RCAN2: variants seen among roughly 807,000 people sequenced by gnomAD.
The protein encoded by RCAN2 is regulator of calcineurin 2.
In RCAN2, 9 loss-of-function variants were observed where a neutral mutation model predicts 23.6. That is an observed-to-expected ratio of 0.38 (90% confidence interval 0.23 to 0.67). The LOEUF is 0.67. RCAN2 is among the 30% of genes least tolerant of loss of function. RCAN2 has a pLI of 0.51. For missense variants in RCAN2, 273 were observed against 302.3 expected (o/e 0.90, Z 0.72); for synonymous variants, 109 against 115.7 (o/e 0.94, Z 0.37).
chr6:46,294,832 T>C (rs1328190951), intron 2 of RCAN2, among the ~76,000 whole-genome samples: 25 of 152,194 alleles, frequency 1.6e-4, no homozygotes, highest in Admixed American at 1.3e-3. Flanking sequence ...CAACGCATTG[T>C]CCAAGGCTTA....
At chr6:46,340,199 A>C (rs1413166569) in intron 2 of RCAN2, among the ~76,000 whole-genome samples, 1 of 152,200 alleles carries the variant, frequency 6.6e-6, no homozygotes, top group Non-Finnish European at 1.5e-5. Flanking sequence ...CTACCAAGAC[A>C]GTCTTCGGTG....
intron 2 of RCAN2, among the ~76,000 whole-genome samples, chr6:46,402,996 G>T (rs547559384): frequency 6.7e-6 from 1 of 149,628 alleles, no homozygotes; most frequent in Non-Finnish European, 1.5e-5. Context: ...ACGGAGTCTC[G>T]CTCTGTTACC....
At chr6:46,457,352 C>T (rs1032053398) in intron 1 of RCAN2, among the ~76,000 whole-genome samples, 2 of 152,042 alleles carry the variant, frequency 1.3e-5, no homozygotes, top group Admixed American at 6.6e-5. Context: ...CATTAACTAC[C>T]TTATTTAATC....
At chr6:46,486,678 T>C (rs1211048169) in intron 1 of RCAN2, among the ~76,000 whole-genome samples, 1 of 152,258 alleles carries the variant, frequency 6.6e-6, no homozygotes, top group Non-Finnish European at 1.5e-5. Flanking sequence ...AATGTCTTTT[T>C]ATGCATACAT....
At chr6:46,433,675 A>T (rs1215669333) in intron 2 of RCAN2, among the ~76,000 whole-genome samples, 1 of 152,204 alleles carries the variant, frequency 6.6e-6, no homozygotes, top group African/African-American at 2.4e-5. Flanking sequence ...GATTCTTCTC[A>T]AGAGCCTCCA....
chr6:46,278,750 C>G (rs1171798671), intron 2 of RCAN2, among the ~76,000 whole-genome samples: 1 of 152,098 alleles, frequency 6.6e-6, no homozygotes, highest in African/African-American at 2.4e-5. Context: ...TACAATGTCC[C>G]TTAATTTGGA....
intron 2 of RCAN2, among the ~76,000 whole-genome samples, chr6:46,256,920 A>G (rs1766937627): frequency 6.6e-6 from 1 of 152,192 alleles, no homozygotes; most frequent in Non-Finnish European, 1.5e-5. Context: ...CTTAACATTA[A>G]CAGGATAGAG....
intron 2 of RCAN2, among the ~76,000 whole-genome samples, chr6:46,429,697 G>C (rs1767131928): frequency 6.6e-6 from 1 of 152,040 alleles, no homozygotes; most frequent in Non-Finnish European, 1.5e-5. Context: ...GTACGTTCTT[G>C]CCCTTATGGA....
At chr6:46,341,623 C>T (rs1014664663) in intron 2 of RCAN2, among the ~76,000 whole-genome samples, 1 of 151,918 alleles carries the variant, frequency 6.6e-6, no homozygotes, top group Non-Finnish European at 1.5e-5. Context: ...ATGGTGAGAC[C>T]CCCATCTCTA....
intron 2 of RCAN2, among the ~76,000 whole-genome samples, chr6:46,301,596 T>A (rs1762904975): frequency 6.6e-6 from 1 of 152,138 alleles, no homozygotes; most frequent in Non-Finnish European, 1.5e-5. Flanking sequence ...TACACTCTAC[T>A]GGTGGATACA....
intron 2 of RCAN2, among the ~76,000 whole-genome samples, chr6:46,379,210 G>T (rs1765557427): frequency 1.3e-5 from 2 of 152,158 alleles, no homozygotes; most frequent in African/African-American, 4.8e-5. Context: ...CATCAAACCT[G>T]CTGGGCCCTG....
At chr6:46,344,674 T>G (rs959704793) in intron 2 of RCAN2, among the ~76,000 whole-genome samples, 9 of 151,978 alleles carry the variant, frequency 5.9e-5, no homozygotes, top group African/African-American at 2.2e-4. Context: ...TACTGTAGTC[T>G]CTAGACTAGA....
chr6:46,360,648 G>A (rs1764983442), intron 2 of RCAN2, among the ~76,000 whole-genome samples: 1 of 151,934 alleles, frequency 6.6e-6, no homozygotes, highest in South Asian at 2.1e-4. Context: ...AGAAACTGAG[G>A]ATAAAAGACA....
chr6:46,250,849 G>C (rs1766688324), intron 2 of RCAN2, among the ~76,000 whole-genome samples: 1 of 152,120 alleles, frequency 6.6e-6, no homozygotes, highest in South Asian at 2.1e-4. Flanking sequence ...TGTCAGGGAA[G>C]GTCTTCCTGC....
intron 2 of RCAN2, among the ~76,000 whole-genome samples, chr6:46,404,064 A>C (rs986886884): frequency 4.6e-5 from 7 of 152,322 alleles, no homozygotes; most frequent in Admixed American, 1.3e-4. Flanking sequence ...TCTACTAAAA[A>C]TACAAAAATT....
chr6:46,230,215 C>T (rs1765831792), intron 4 of RCAN2, among the ~76,000 whole-genome samples: 1 of 152,212 alleles, frequency 6.6e-6, no homozygotes, highest in African/African-American at 2.4e-5. Context: ...AGTTAGGCTA[C>T]TCAGGGGTCA....
intron 2 of RCAN2, among the ~76,000 whole-genome samples, chr6:46,443,533 A>G (rs1435234129): frequency 1.3e-5 from 2 of 151,880 alleles, no homozygotes; most frequent in Non-Finnish European, 2.9e-5. Context: ...CTTTTTACCC[A>G]TCTCCCTTTT....
chr6:46,449,819 T>C (rs1406104150), intron 2 of RCAN2, among the ~76,000 whole-genome samples: 2 of 151,806 alleles, frequency 1.3e-5, no homozygotes, highest in African/African-American at 4.8e-5. Flanking sequence ...TATACAAAAA[T>C]AAATTCAAAA....
At chr6:46,316,436 T>A (rs192789545) in intron 2 of RCAN2, among the ~76,000 whole-genome samples, 1 of 152,296 alleles carries the variant, frequency 6.6e-6, no homozygotes, top group African/African-American at 2.4e-5. Context: ...AAGTAGAGAG[T>A]TCTCTCCAGG....
Sources: allele counts gnomAD v4.1 joint callset (sites outside exome capture counted in the v4.1 genomes callset), GRCh38; gene constraint gnomAD v4.1.1; transcripts MANE v1.5; gene names NCBI Gene and HGNC (gene_info 2026-07-23, HGNC 2026-07-21).